PIAS2: variants seen among roughly 807,000 people sequenced by gnomAD.
The protein encoded by PIAS2 is protein inhibitor of activated STAT 2.
PIAS2 carries 19 observed loss-of-function variants against 69.7 expected under a neutral mutation model. That is an observed-to-expected ratio of 0.27 (90% confidence interval 0.19 to 0.40). The LOEUF (loss-of-function observed/expected upper bound fraction) is 0.40. Ranked by LOEUF, PIAS2 falls within the 10% of genes least tolerant of loss-of-function variation. PIAS2 has a pLI of 1.00. For missense variants in PIAS2, 624 were observed against 757.0 expected (o/e 0.82, Z 2.06); for synonymous variants, 261 against 263.2 (o/e 0.99, Z 0.08).
chr18:46,818,256 A>C, intron 12 of PIAS2: 3 of 1,255,768 alleles, frequency 2.4e-6, no homozygotes, highest in South Asian at 6.6e-5. Context: ...TTAATGATAC[A>C]ACTTTTGAGC....
chr18:46,904,463 C>A (rs572112426), intron 1 of PIAS2, among the ~76,000 whole-genome samples: 3 of 152,058 alleles, frequency 2.0e-5, no homozygotes, highest in African/African-American at 7.2e-5. Flanking sequence ...GAAAAATAAC[C>A]TAGAAGGCCG....
rs976507369 is a variant in PIAS2, at chr18:46,805,973, G to C, written c.*6460C>G. 2.6e-5 allele frequency: 4 copies of C among 152,248 alleles called. No homozygotes were observed. The East Asian group carries it at 7.7e-4, about 29-fold the overall frequency. 9.4% of individuals were successfully genotyped at this position (152,248 alleles called of 1,614,324 possible). On this transcript the variant is annotated 3_prime_UTR_variant, in exon 14 of 14. Transcript: ENST00000585916. ...ATTAACATCCAAGTTACCCAGGCTT[G>C]AAAAATGGATGAAAAATGCACTCAA... is the stretch of plus-strand genomic sequence containing the variant.
intron 1 of PIAS2, among the ~76,000 whole-genome samples, chr18:46,892,775 T>A (rs574126087): frequency 6.6e-6 from 1 of 151,912 alleles, no homozygotes; most frequent in Non-Finnish European, 1.5e-5. Context: ...GTCTCAAAAA[T>A]AATAATAATA....
chr18:46,875,167 G>A (rs932908915), intron 2 of PIAS2, among the ~76,000 whole-genome samples: 5 of 152,098 alleles, frequency 3.3e-5, no homozygotes, highest in Admixed American at 6.5e-5. Flanking sequence ...GGAGATGAAC[G>A]AACTCAAAGG....
chr18:46,817,942 CTG>C, intron 12 of PIAS2: 2 of 983,980 alleles, frequency 2.0e-6, no homozygotes, highest in Non-Finnish European at 2.4e-6. Flanking sequence ...TAGCAAAATG[CTG>C]TTTCTTATTT....
intron 8 of PIAS2, among the ~76,000 whole-genome samples, chr18:46,840,389 A>G (rs72907162): frequency 0.011 from 1,682 of 152,302 alleles, 17 homozygotes; most frequent in Non-Finnish European, 0.017. Flanking sequence ...ACAAAATGCC[A>G]AAATTGTGTG....
chr18:46,900,813 A>T (rs532125618), intron 1 of PIAS2, among the ~76,000 whole-genome samples: 5 of 151,892 alleles, frequency 3.3e-5, no homozygotes, highest in Admixed American at 6.6e-5. Flanking sequence ...ATCTCTCCTA[A>T]AAATACAAAA....
chr18:46,883,177 T>C (rs1457453709), intron 2 of PIAS2, among the ~76,000 whole-genome samples: 1 of 151,762 alleles, frequency 6.6e-6, no homozygotes, highest in African/African-American at 2.4e-5. Flanking sequence ...AAACTTGATA[T>C]GACTCTAGCT....
intron 8 of PIAS2, among the ~76,000 whole-genome samples, chr18:46,840,814 TG>T (rs1409303114): frequency 1.1e-4 from 16 of 152,208 alleles, no homozygotes; most frequent in Non-Finnish European, 2.2e-4. Flanking sequence ...TTTTTATGAA[TG>T]GTTATCTAAG....
chr18:46,882,447 C>T (rs1282406265), intron 2 of PIAS2, among the ~76,000 whole-genome samples: 1 of 152,100 alleles, frequency 6.6e-6, no homozygotes, highest in Non-Finnish European at 1.5e-5. Context: ...GCTGTGGAAG[C>T]TACTGTCGAA....
Position 46,803,513 on chromosome 18 carries a change from C to T in PIAS2, c.*8920G>A, listed in dbSNP as rs1001937027. ...CATCAACTCCTCTGGATGAGTTCAT[C>T]CACTTTCATAGTTTCAGTGCTACTA... On this transcript the variant is annotated 3_prime_UTR_variant, in exon 14 of 14. Transcript: ENST00000585916. The T allele has an allele frequency of 6.6e-6, 1 of 152,140 alleles. No individual in the cohort carries two copies. Among genetic ancestry groups the T allele is most frequent in the Non-Finnish European group, 1.5e-5 (1 of 68,036 alleles). The allele number at this position is 152,140 out of a possible 1,614,324, so 9.4% of individuals were successfully genotyped here.
At chr18:46,871,674 C>T (rs1370676278) in intron 2 of PIAS2, among the ~76,000 whole-genome samples, 2 of 152,124 alleles carry the variant, frequency 1.3e-5, no homozygotes, top group Non-Finnish European at 2.9e-5. Flanking sequence ...CTGTTTGTTT[C>T]CCTTTACCTA....
chr18:46,888,950 C>G (rs1402507381), intron 2 of PIAS2, among the ~76,000 whole-genome samples: 1 of 152,160 alleles, frequency 6.6e-6, no homozygotes, highest in Non-Finnish European at 1.5e-5. Flanking sequence ...TGGTCAAATA[C>G]TTTTTGACAA....
At chr18:46,816,374 C>T in intron 12 of PIAS2, 1 of 981,052 alleles carries the variant, frequency 1.0e-6, no homozygotes, top group Non-Finnish European at 1.2e-6. Context: ...AAGGGTATTA[C>T]AAAAATGCTT....
At chr18:46,845,966 A>C (rs904116726) in intron 6 of PIAS2, among the ~76,000 whole-genome samples, 1 of 152,174 alleles carries the variant, frequency 6.6e-6, no homozygotes, top group African/African-American at 2.4e-5. Context: ...TCCATCCATA[A>C]AACAGGAATA....
intron 10 of PIAS2, 121 bp from the exon 11 acceptor site, chr18:46,828,251 A>G (rs940086313): frequency 4.9e-5 from 39 of 789,332 alleles, no homozygotes; most frequent in Non-Finnish European, 7.0e-5. Context: ...GTGAAGCCAC[A>G]TACTCCAACC....
In PIAS2 at chr18:46,855,414, A is replaced by T. The variant is rs1261696300; in HGVS notation, c.657T>A (p.Ser219Arg). ...VQLRLCLAET[S>R]CPQEDNYPNS... is the part of the protein sequence containing the mutation. ...TTGGATAGTTATCTTCTTGAGGGCA[A>T]CTTGTCTCTGCCAGGCAAAGTCTGC... The change falls in exon 5 of 14, where the codon AGT becomes AGA. Residue 219 changes from serine (S) to arginine (R), a missense_variant. By Grantham distance (110) the Ser-to-Arg change is moderately radical. Coordinates refer to ENST00000585916, the MANE Select transcript of PIAS2 (RefSeq NM_004671.5). 1.2e-6 allele frequency: 2 copies of T among 1,612,694 alleles called. No individual in the cohort carries two copies. The highest frequency in any genetic ancestry group is 1.7e-6 in the Non-Finnish European group (2 of 1,179,216).
intron 1 of PIAS2, among the ~76,000 whole-genome samples, chr18:46,903,238 A>AGGTTT (rs138585966): frequency 0.057 from 8,716 of 152,280 alleles, 297 homozygotes; most frequent in Non-Finnish European, 0.081. Context: ...TGTGCTACGC[A>AGGTTT]AAAGACCCCT....
intron 8 of PIAS2, among the ~76,000 whole-genome samples, chr18:46,840,492 T>G (rs1278185801): frequency 3.3e-5 from 5 of 152,236 alleles, no homozygotes; most frequent in African/African-American, 7.2e-5. Flanking sequence ...TGCAAACTGC[T>G]GTTTAGGGAT....
Sources: gnomAD v4.1 joint callset for allele counts (sites outside exome capture counted in the v4.1 genomes callset) on GRCh38, gnomAD v4.1.1 for gene constraint, MANE v1.5 for transcripts, NCBI Gene and HGNC (gene_info 2026-07-23, HGNC 2026-07-21) for gene names.